The following SPTLC2 variants were observed in gnomAD, a reference collection of about 807,000 sequenced individuals.
SPTLC2 encodes the protein serine palmitoyltransferase 2.
A neutral mutation model predicts 62.0 loss-of-function variants in SPTLC2; 21 were observed. That is an observed-to-expected ratio of 0.34 (90% CI 0.24 to 0.49). The LOEUF (loss-of-function observed/expected upper bound fraction) is 0.49. Among genes scored for constraint, SPTLC2 ranks in the 20% least tolerant of loss-of-function variants. The pLI is 0.99. For missense variants in SPTLC2, 511 were observed against 713.0 expected, an observed-to-expected ratio of 0.72 and a Z score of 3.23; for synonymous variants, 261 against 261.8, an observed-to-expected ratio of 1.00 and a Z score of 0.03.
intron 10 of SPTLC2, 116 bp from the exon 11 acceptor site, chr14:77,518,283 A>C (rs2079368678): frequency 6.8e-7 from 1 of 1,473,472 alleles, no homozygotes; most frequent in Non-Finnish European, 9.3e-7. Context: ...GGAGACTTCT[A>C]ATAGGAGTTT....
intron 6 of SPTLC2, among the ~76,000 whole-genome samples, chr14:77,562,054 T>C (rs533078100): frequency 6.6e-6 from 1 of 152,358 alleles, no homozygotes; most frequent in South Asian, 2.1e-4. Context: ...CTATTAAGTC[T>C]CTTCGTTAAC....
intron 2 of SPTLC2, among the ~76,000 whole-genome samples, chr14:77,592,344 A>G (rs1376663096): frequency 6.6e-6 from 1 of 151,820 alleles, no homozygotes; most frequent in Non-Finnish European, 1.5e-5. Context: ...CACGTTGGCC[A>G]GGCTGGTCTT....
chr14:77,587,677 A>G (rs997118641), intron 2 of SPTLC2, among the ~76,000 whole-genome samples: 15 of 151,742 alleles, frequency 9.9e-5, no homozygotes, highest in Non-Finnish European at 1.0e-4. Context: ...TGATCTCTTG[A>G]ACCTGGGAGG....
intron 4 of SPTLC2, among the ~76,000 whole-genome samples, chr14:77,571,544 G>T: frequency 6.6e-6 from 1 of 150,574 alleles, no homozygotes; most frequent in Middle Eastern, 3.2e-3. Flanking sequence ...CCCTCACTGT[G>T]AACTGACTGG....
At chr14:77,611,260 G>A (rs1410793274) in intron 1 of SPTLC2, among the ~76,000 whole-genome samples, 2 of 151,282 alleles carry the variant, frequency 1.3e-5, no homozygotes, top group Non-Finnish European at 2.9e-5. Context: ...CCAAGATCGC[G>A]CCACTGCACT....
At position 77,564,699 on chromosome 14, in the gene SPTLC2, TA is replaced by T. The variant is rs909296130; in HGVS notation, c.757-2211del. On this transcript the variant is annotated intron_variant, in intron 5 of 11. Transcript: ENST00000216484. ...CATGCCAGAAAGTATAAGAATGCTT[TA>T]AAAAAAAAAAGTTATTATATATTCA... Among the ~76,000 whole-genome samples the T allele has an allele frequency of 7.2e-3, 1,054 of 146,362 alleles. 13 individuals are homozygous for T. The highest frequency in any genetic ancestry group is 0.025 in the African/African-American group (1,000 of 40,038).
intron 6 of SPTLC2, among the ~76,000 whole-genome samples, chr14:77,558,618 GTTTT>G (rs541547452): frequency 4.4e-4 from 46 of 104,020 alleles, no homozygotes; most frequent in Non-Finnish European, 6.7e-4. Flanking sequence ...AAAGCCTCCA[GTTTT>G]TTTGTTTTTT....
At chr14:77,529,685 C>A (rs1482139934) in intron 9 of SPTLC2, among the ~76,000 whole-genome samples, 1 of 131,278 alleles carries the variant, frequency 7.6e-6, no homozygotes, top group South Asian at 2.5e-4. Context: ...TGCAGTGGTG[C>A]AATCTTGGCC....
chr14:77,538,778 T>C (rs2079484159), intron 9 of SPTLC2, among the ~76,000 whole-genome samples: 1 of 152,042 alleles, frequency 6.6e-6, no homozygotes, highest in Non-Finnish European at 1.5e-5. Flanking sequence ...GCCATGTTGC[T>C]CAGGCTGGTC....
intron 9 of SPTLC2, among the ~76,000 whole-genome samples, chr14:77,546,515 A>G (rs567583643): frequency 6.6e-6 from 1 of 152,288 alleles, no homozygotes; most frequent in African/African-American, 2.4e-5. Flanking sequence ...AGGTTGTAGA[A>G]GAGAATGGAG....
intron 9 of SPTLC2, among the ~76,000 whole-genome samples, chr14:77,522,202 C>T (rs140151038): frequency 8.4e-4 from 127 of 151,622 alleles, no homozygotes; most frequent in Non-Finnish European, 1.5e-3. Context: ...CTCACTCTGT[C>T]GCCCAGGCTG....
intron 9 of SPTLC2, among the ~76,000 whole-genome samples, chr14:77,533,855 C>A (rs573101591): frequency 2.7e-4 from 41 of 152,168 alleles, no homozygotes; most frequent in African/African-American, 8.7e-4. Flanking sequence ...ACCTCTACTT[C>A]TTTCTTTTAG....
chr14:77,560,151 T>C (rs1042300204), intron 6 of SPTLC2, among the ~76,000 whole-genome samples: 2 of 152,226 alleles, frequency 1.3e-5, no homozygotes, highest in African/African-American at 4.8e-5. Flanking sequence ...TAGCCTATGT[T>C]GGCCAGTGAG....
At chr14:77,555,647 G>T in intron 7 of SPTLC2, 128 bp from the exon 8 acceptor site, 1 of 954,076 alleles carries the variant, frequency 1.0e-6, no homozygotes, top group Non-Finnish European at 1.6e-6. Flanking sequence ...ACAGAGTTTT[G>T]CTCCATTGTC....
intron 1 of SPTLC2, among the ~76,000 whole-genome samples, chr14:77,615,162 T>C (rs1041744163): frequency 6.6e-6 from 1 of 152,232 alleles, no homozygotes; most frequent in African/African-American, 2.4e-5. Flanking sequence ...CTGACTGTTA[T>C]CACTTCCTCC....
At chr14:77,607,270 T>C (rs1476008387) in intron 1 of SPTLC2, among the ~76,000 whole-genome samples, 1 of 152,112 alleles carries the variant, frequency 6.6e-6, no homozygotes, top group Non-Finnish European at 1.5e-5. Context: ...TCAAGGAAAG[T>C]AGATTAAGCA....
At chr14:77,590,639 G>A (rs1250877952) in intron 2 of SPTLC2, among the ~76,000 whole-genome samples, 2 of 152,144 alleles carry the variant, frequency 1.3e-5, no homozygotes, top group African/African-American at 2.4e-5. Flanking sequence ...TTGAACCTGG[G>A]AGACAGAAGT....
intron 10 of SPTLC2, among the ~76,000 whole-genome samples, chr14:77,518,747 C>T (rs2079371296): frequency 6.6e-6 from 1 of 152,192 alleles, no homozygotes; most frequent in Non-Finnish European, 1.5e-5. Context: ...TGTGGGGGAT[C>T]TGCTGTAACA....
In SPTLC2 at chr14:77,512,285, C is replaced by T. The variant is rs2063052611; in HGVS notation, c.1688G>A (p.Ter563=). Residue 563 remains the stop codon, a stop_retained_variant, in exon 12 of 12, where the codon TGA becomes TAA. Transcript: ENST00000216484. ...DETTYEETED[*] ...CCTCTGAGGGAGCACCAAAAAGGCT[C>T]AGTCTTCTGTTTCTTCATACGTCGT... is the stretch of plus-strand genomic sequence containing the variant. 6.2e-7 allele frequency: 1 copy of T among 1,613,874 alleles called. No homozygotes were observed. Among genetic ancestry groups the T allele is most frequent in the Non-Finnish European group, 8.5e-7 (1 of 1,180,040 alleles).
Sources: allele counts gnomAD v4.1 joint callset (sites outside exome capture counted in the v4.1 genomes callset), GRCh38; gene constraint gnomAD v4.1.1; transcripts MANE v1.5; gene names NCBI Gene and HGNC (gene_info 2026-07-23, HGNC 2026-07-21).